Variants in WWOX observed in about 807,000 individuals in gnomAD.
WWOX encodes the protein WW domain-containing oxidoreductase.
In WWOX, 69 loss-of-function variants were observed where a neutral mutation model predicts 46.2. The ratio of observed to expected loss-of-function variants is 1.49; its 90% CI spans 1.23 to 1.82. The LOEUF is 1.82. Ranked by LOEUF, WWOX falls within the 40% of genes most tolerant of loss-of-function variation. The pLI is 0.00. For synonymous variants in WWOX, 359 were observed against 202.6 expected, an observed-to-expected ratio of 1.77 and a Z score of -6.56; for missense variants, 919 against 542.6, an observed-to-expected ratio of 1.69 and a Z score of -6.89.
chr16:79,009,814 G>C (rs986153510), intron 8 of WWOX, among the ~76,000 whole-genome samples: 40 of 152,148 alleles, frequency 2.6e-4, no homozygotes, highest in Admixed American at 7.2e-4. Flanking sequence ...AGGAGGAGGG[G>C]GACACACAAG....
At chr16:78,906,628 C>A (rs1265479466) in intron 8 of WWOX, among the ~76,000 whole-genome samples, 1 of 152,198 alleles carries the variant, frequency 6.6e-6, no homozygotes, top group Non-Finnish European at 1.5e-5. Flanking sequence ...CCATGCCAGT[C>A]AGCTTCAGTG....
chr16:78,443,160 CTG>C (rs973158605), intron 8 of WWOX, among the ~76,000 whole-genome samples: 1 of 133,228 alleles, frequency 7.5e-6, no homozygotes, highest in Non-Finnish European at 1.5e-5. Flanking sequence ...AAAAAAAAGG[CTG>C]TGTGTGGTGA....
chr16:78,976,407 C>T (rs74032472), intron 8 of WWOX, among the ~76,000 whole-genome samples: 10 of 152,302 alleles, frequency 6.6e-5, no homozygotes, highest in Admixed American at 1.3e-4. Context: ...GTCTCAGATT[C>T]GGAGCATGTG....
intron 4 of WWOX, among the ~76,000 whole-genome samples, chr16:78,121,611 T>A (rs11639951): frequency 0.086 from 13,095 of 152,110 alleles, 629 homozygotes; most frequent in Non-Finnish European, 0.11. Flanking sequence ...TATATATTTT[T>A]AAAATAAATT....
At position 78,368,302 on chromosome 16, in the gene WWOX, C is replaced by T. The variant is rs556253294; in HGVS notation, c.517-18558C>T. ...GTTGTAGGTCCTATATGAGTGATGA[C>T]AGGTGATACTTAAGTTAACTGGAAC... On this transcript the variant is annotated intron_variant, in intron 5 of 8. Coordinates refer to ENST00000566780, the MANE Select transcript of WWOX (RefSeq NM_016373.4). Among the ~76,000 whole-genome samples, 3 of 152,266 alleles carry T rather than the reference C, an allele frequency of 2.0e-5. No individual in the cohort carries two copies. The South Asian group carries it at 6.2e-4, about 32-fold the overall frequency.
rs143889035 is a variant in WWOX, at chr16:78,907,788, G to T, written c.1057-303820G>T. 6.9e-4 allele frequency among the ~76,000 whole-genome samples: 105 copies of T among 152,256 alleles called. 2 individuals are homozygous for T. In the East Asian group the frequency reaches 0.018, roughly 27 times the overall value. ...ATCCCATTTCAACAGATCTAGAAATGTAATGGAGCCAGTCCTAGGGAAACA... is the reference window on the plus strand; with the variant it reads ...ATCCCATTTCAACAGATCTAGAAATTTAATGGAGCCAGTCCTAGGGAAACA... On this transcript the variant is annotated intron_variant, in intron 8 of 8. Coordinates refer to ENST00000566780, the MANE Select transcript of WWOX (RefSeq NM_016373.4).
intron 8 of WWOX, among the ~76,000 whole-genome samples, chr16:78,434,482 T>C (rs2151388300): frequency 6.6e-6 from 1 of 152,334 alleles, no homozygotes. Context: ...CTGAACTGGG[T>C]GCCAGTGCCA....
chr16:78,967,460 T>C (rs948093233), intron 8 of WWOX, among the ~76,000 whole-genome samples: 6 of 2,866 alleles, frequency 2.1e-3, no homozygotes, highest in African/African-American at 4.6e-3. Context: ...ATTTTTGTGG[T>C]TTTTTTTTTT....
intron 5 of WWOX, among the ~76,000 whole-genome samples, chr16:78,303,985 C>T (rs1001812384): frequency 1.3e-5 from 2 of 152,348 alleles, no homozygotes; most frequent in South Asian, 4.1e-4. Flanking sequence ...TTTAAATTAG[C>T]ATGAAATAGT....
intron 5 of WWOX, among the ~76,000 whole-genome samples, chr16:78,316,336 G>C (rs2080355466): frequency 6.6e-6 from 1 of 152,146 alleles, no homozygotes; most frequent in South Asian, 2.1e-4. Context: ...TAGATTCCCT[G>C]AAGTGGAATG....
intron 8 of WWOX, among the ~76,000 whole-genome samples, chr16:79,080,489 T>C (rs1460689843): frequency 1.3e-5 from 2 of 152,208 alleles, no homozygotes; most frequent in Non-Finnish European, 2.9e-5. Flanking sequence ...ATCAGCTGTT[T>C]ATACTCCTCT....
chr16:78,179,460 A>G (rs1238213643), intron 5 of WWOX, among the ~76,000 whole-genome samples: 2 of 152,232 alleles, frequency 1.3e-5, no homozygotes, highest in Non-Finnish European at 2.9e-5. Context: ...AAGGTAACTT[A>G]GGCAATTAAT....
At chr16:78,530,333 C>T (rs2859641) in intron 8 of WWOX, among the ~76,000 whole-genome samples, 127,362 of 152,176 alleles carry the variant, frequency 0.84, 54,234 homozygotes, top group East Asian at 1. Context: ...CCAGGAGGAA[C>T]GAGGTCTCAT....
chr16:78,578,650 A>G (rs1014543292), intron 8 of WWOX, among the ~76,000 whole-genome samples: 6 of 152,148 alleles, frequency 3.9e-5, no homozygotes, highest in Non-Finnish European at 8.8e-5. Flanking sequence ...AAAGACAGAT[A>G]CATAGGCAGT....
intron 8 of WWOX, among the ~76,000 whole-genome samples, chr16:78,746,019 A>T (rs1429380485): frequency 6.6e-6 from 1 of 152,154 alleles, no homozygotes; most frequent in Non-Finnish European, 1.5e-5. Flanking sequence ...CATAATCTGT[A>T]TCCATCCACA....
intron 8 of WWOX, among the ~76,000 whole-genome samples, chr16:78,549,678 A>T (rs1168014644): frequency 1.3e-5 from 2 of 152,194 alleles, no homozygotes; most frequent in African/African-American, 4.8e-5. Context: ...AGGAAACAAA[A>T]CTGAACAACA....
chr16:78,758,118 C>T (rs1385681435), intron 8 of WWOX, among the ~76,000 whole-genome samples: 3 of 152,070 alleles, frequency 2.0e-5, no homozygotes, highest in East Asian at 3.8e-4. Context: ...TAAATCAATT[C>T]ATAGATTCAT....
chr16:78,681,388 A>G (rs1201946798), intron 8 of WWOX, among the ~76,000 whole-genome samples: 1 of 152,172 alleles, frequency 6.6e-6, no homozygotes, highest in East Asian at 1.9e-4. Flanking sequence ...TGGGTGACAG[A>G]GCGAGACTCT....
chr16:78,398,370 C>T (rs2082336470), intron 6 of WWOX, among the ~76,000 whole-genome samples: 1 of 152,150 alleles, frequency 6.6e-6, no homozygotes, highest in Non-Finnish European at 1.5e-5. Flanking sequence ...TGTGGCTCCT[C>T]TCCCACTTGT....
Sources: gnomAD v4.1 joint callset for allele counts (sites outside exome capture counted in the v4.1 genomes callset) on GRCh38, gnomAD v4.1.1 for gene constraint, MANE v1.5 for transcripts, NCBI Gene and HGNC (gene_info 2026-07-23, HGNC 2026-07-21) for gene names.